The following ADGRE1 variants were observed in gnomAD, a reference collection of about 807,000 sequenced individuals.
The protein encoded by ADGRE1 is adhesion G protein-coupled receptor E1.
In ADGRE1, 82 loss-of-function variants were observed where a neutral mutation model predicts 102.7. The observed-to-expected ratio is 0.80, with a 90% CI of 0.67 to 0.96. The LOEUF (loss-of-function observed/expected upper bound fraction) is 0.96. Ranked by LOEUF, ADGRE1 falls within the 40% of genes least tolerant of loss-of-function variation. The probability of loss-of-function intolerance (pLI) is 0.00; values close to 1 mark genes in which losing one functional copy is unlikely to be tolerated. For synonymous variants in ADGRE1, 398 were observed against 399.6 expected, an observed-to-expected ratio of 1.00 and a Z score of 0.05; for missense variants, 1,032 against 1,085.3, an observed-to-expected ratio of 0.95 and a Z score of 0.69.
Position 6,902,026 on chromosome 19 carries a change from G to A in ADGRE1, c.661+5G>A, listed in dbSNP as rs1973780523. 1 of 1,614,136 alleles carries A rather than the reference G, an allele frequency of 6.2e-7. No homozygotes were observed. ...GTCTCAAAGCATCGTGTGAAGGTAG[G>A]TGGGGGTGTCTTCTGAGAAGTCAGG... On this transcript the variant is annotated splice_donor_5th_base_variant and intron_variant, in intron 6 of 20. Coordinates refer to ENST00000312053, the MANE Select transcript of ADGRE1 (RefSeq NM_001974.5).
intron 12 of ADGRE1, 36 bp from the exon 13 acceptor site, chr19:6,919,512 G>A (rs760827082): frequency 7.6e-6 from 12 of 1,569,794 alleles, no homozygotes; most frequent in African/African-American, 2.8e-5. Flanking sequence ...TTGAGCAAAC[G>A]ATTCCTTCCT....
At chr19:6,890,955 T>C (rs1973344926) in intron 2 of ADGRE1, among the ~76,000 whole-genome samples, 1 of 152,178 alleles carries the variant, frequency 6.6e-6, no homozygotes, top group African/African-American at 2.4e-5. Flanking sequence ...TTATGTTTTG[T>C]TAAATACTCT....
chr19:6,889,941 T>A (rs1488566156), intron 1 of ADGRE1, among the ~76,000 whole-genome samples: 2 of 152,044 alleles, frequency 1.3e-5, no homozygotes, highest in South Asian at 2.1e-4. Context: ...CTTTTTTTTT[T>A]AGACAGGGTC....
At position 6,892,051 on chromosome 19, in the gene ADGRE1, A is replaced by G. The variant is rs567912294; in HGVS notation, c.94+1508A>G. Among the ~76,000 whole-genome samples the G allele has an allele frequency of 6.6e-4, 100 of 152,206 alleles. 5 individuals are homozygous for G. The South Asian group carries it at 0.018, about 28-fold the overall frequency. ...TGTTACTCTGACCTTGGTGGGTTTC[A>G]GTTGTGAGGGAGAGGGCTAGTGGAA... On this transcript the variant is annotated intron_variant, in intron 2 of 20. Coordinates refer to ENST00000312053, the MANE Select transcript of ADGRE1 (RefSeq NM_001974.5).
intron 17 of ADGRE1, among the ~76,000 whole-genome samples, chr19:6,934,301 A>G (rs930017046): frequency 1.3e-5 from 2 of 152,124 alleles, no homozygotes; most frequent in African/African-American, 2.4e-5. Context: ...GACAAAAATT[A>G]AGGAAGCTGT....
At chr19:6,938,268 C>T (rs1312478899) in intron 20 of ADGRE1, among the ~76,000 whole-genome samples, 6 of 151,868 alleles carry the variant, frequency 4.0e-5, no homozygotes, top group East Asian at 1.9e-4. Flanking sequence ...ACCCAAGAGG[C>T]GGAGGTTGCA....
At chr19:6,920,290 A>G (rs1352591642) in intron 13 of ADGRE1, among the ~76,000 whole-genome samples, 1 of 149,572 alleles carries the variant, frequency 6.7e-6, no homozygotes, top group South Asian at 2.1e-4. Context: ...CACAATTTCA[A>G]GTCATTGCAA....
intron 5 of ADGRE1, chr19:6,898,260 T>C: frequency 4.6e-6 from 7 of 1,522,194 alleles, no homozygotes; most frequent in Non-Finnish European, 6.3e-6. Context: ...CAAAATACAG[T>C]CTTCTATCTA....
chr19:6,927,990 T>A (rs1409344599), intron 16 of ADGRE1, among the ~76,000 whole-genome samples, 155 bp from the exon 17 acceptor site: 15 of 152,144 alleles, frequency 9.9e-5, no homozygotes, highest in Admixed American at 9.8e-4. Flanking sequence ...AGCGCAGTGA[T>A]CTAAAGGAAA....
chr19:6,929,966 C>G (rs1416926808), intron 17 of ADGRE1, among the ~76,000 whole-genome samples: 1 of 152,106 alleles, frequency 6.6e-6, no homozygotes, highest in African/African-American at 2.4e-5. Flanking sequence ...TTTGAACATG[C>G]CTATTCCCCA....
At chr19:6,890,889 G>A (rs1271091801) in intron 2 of ADGRE1, among the ~76,000 whole-genome samples, 1 of 152,114 alleles carries the variant, frequency 6.6e-6, no homozygotes, top group African/African-American at 2.4e-5. Flanking sequence ...TGTAGTGAGA[G>A]TAGGGATGGA....
At chr19:6,892,389 C>G (rs1241402529) in intron 2 of ADGRE1, among the ~76,000 whole-genome samples, 1 of 152,024 alleles carries the variant, frequency 6.6e-6, no homozygotes, top group Non-Finnish European at 1.5e-5. Flanking sequence ...TCGTTGGTTC[C>G]TCTCTTTTCA....
At chr19:6,889,911 T>C (rs1264508419) in intron 1 of ADGRE1, among the ~76,000 whole-genome samples, 1 of 151,972 alleles carries the variant, frequency 6.6e-6, no homozygotes, top group Non-Finnish European at 1.5e-5. Context: ...TTAATGTATG[T>C]TTTTGAAAAT....
In ADGRE1 at chr19:6,932,265, G is replaced by A. The variant is rs189168042; in HGVS notation, c.2290-2722G>A. Among the ~76,000 whole-genome samples the A allele has an allele frequency of 4.3e-3, 660 of 151,916 alleles. 3 individuals carry two copies. The highest frequency in any genetic ancestry group is 7.8e-3 in the Non-Finnish European group (533 of 67,936). On this transcript the variant is annotated intron_variant, in intron 17 of 20. Coordinates refer to ENST00000312053, the MANE Select transcript of ADGRE1 (RefSeq NM_001974.5). ...AGGCGGATCACGAGGTCAGGAGATC[G>A]AGACCATCCTGGCTAACATGGTGAA... is the stretch of plus-strand genomic sequence containing the variant.
intron 1 of ADGRE1, among the ~76,000 whole-genome samples, 167 bp from the exon 2 acceptor site, chr19:6,890,314 T>C (rs576334669): frequency 3.9e-5 from 6 of 152,108 alleles, no homozygotes; most frequent in East Asian, 1.9e-4. Context: ...GTTAAGCTTA[T>C]GCAAAATAGT....
chr19:6,932,007 A>G (rs745589388), intron 17 of ADGRE1, among the ~76,000 whole-genome samples: 3 of 152,240 alleles, frequency 2.0e-5, no homozygotes, highest in Non-Finnish European at 4.4e-5. Flanking sequence ...GTAATGAACC[A>G]GAATGCTGTA....
In ADGRE1 at chr19:6,887,640, G is replaced by T. The variant is rs375670615; in HGVS notation, c.31+1G>T. ...GGCTTCAACCTGCTCCTCTTCTGGG[G>T]TGAGTGTGAGGCTGAATGGGGGGCT... is the stretch of plus-strand genomic sequence containing the variant. On this transcript the variant is annotated splice_donor_variant, in intron 1 of 20. Coordinates refer to ENST00000312053, the MANE Select transcript of ADGRE1 (RefSeq NM_001974.5). LOFTEE classifies it high-confidence loss of function. 20 of 1,611,188 alleles carry T rather than the reference G, an allele frequency of 1.2e-5. No individual in the cohort carries two copies. The highest frequency in any genetic ancestry group is 1.7e-5 in the Non-Finnish European group (20 of 1,178,976).
chr19:6,890,160 C>T (rs955741548), intron 1 of ADGRE1, among the ~76,000 whole-genome samples: 11 of 152,126 alleles, frequency 7.2e-5, no homozygotes, highest in African/African-American at 2.2e-4. Context: ...AAGTGATCCT[C>T]CCACCTTGGC....
rs1034585235 is a variant in ADGRE1, at chr19:6,919,859, C to T, written c.1620+112C>T. On this transcript the variant is annotated intron_variant, in intron 13 of 20. Transcript: ENST00000312053. ...GAAGCTATTGAGGCCGGTAAGCTTC[C>T]ACAATTTCCAGCAATTCAAGCCAAT... 2.8e-6 allele frequency: 3 copies of T among 1,060,928 alleles called. No homozygotes were observed. In the East Asian group the frequency reaches 7.7e-5, roughly 27 times the overall value. The allele number at this position is 1,060,928 out of a possible 1,614,324, so 65.7% of individuals were successfully genotyped here. A position where few individuals can be genotyped will look rare whatever the true frequency, so the allele number is the denominator to read the frequency against.
Sources: allele counts gnomAD v4.1 joint callset (sites outside exome capture counted in the v4.1 genomes callset), GRCh38; gene constraint gnomAD v4.1.1; transcripts MANE v1.5; gene names NCBI Gene and HGNC (gene_info 2026-07-23, HGNC 2026-07-21).